The following NEGR1 variants were observed in gnomAD, a reference collection of about 807,000 sequenced individuals.
The protein encoded by NEGR1 is neuronal growth regulator 1, also known as IgLON family member 4.
A neutral mutation model predicts 40.9 loss-of-function variants in NEGR1; 10 were observed. The observed-to-expected ratio is 0.24, with a 90% CI of 0.15 to 0.42. NEGR1 has a LOEUF of 0.42. NEGR1 is among the 10% of genes least tolerant of loss of function. The pLI, the probability that NEGR1 is intolerant of heterozygous loss-of-function variation, is 1.00. For missense variants in NEGR1, 352 were observed against 438.9 expected, an observed-to-expected ratio of 0.80 and a Z score of 1.77; for synonymous variants, 185 against 166.8, an observed-to-expected ratio of 1.11 and a Z score of -0.84.
intron 4 of NEGR1, among the ~76,000 whole-genome samples, chr1:71,638,557 A>G (rs756483827): frequency 1.3e-5 from 2 of 152,090 alleles, no homozygotes; most frequent in Non-Finnish European, 2.9e-5. Flanking sequence ...TCAATTGAGC[A>G]TGTAGTCTAT....
At chr1:71,970,649 C>T (rs1345638158) in intron 1 of NEGR1, among the ~76,000 whole-genome samples, 1 of 152,004 alleles carries the variant, frequency 6.6e-6, no homozygotes, top group Non-Finnish European at 1.5e-5. Flanking sequence ...GATAGTGCCA[C>T]TGCAATCCAC....
intron 2 of NEGR1, among the ~76,000 whole-genome samples, chr1:71,867,177 C>A (rs1010720918): frequency 4.0e-4 from 61 of 152,144 alleles, no homozygotes; most frequent in Admixed American, 1.9e-3. Context: ...AGTTTGAAAC[C>A]AGCCTGGTCA....
At chr1:72,126,088 A>ACTGTGT (rs1460989217) in intron 1 of NEGR1, among the ~76,000 whole-genome samples, 108 of 129,414 alleles carry the variant, frequency 8.3e-4, no homozygotes, top group Non-Finnish European at 1.2e-3. Context: ...ATTAGAGAAA[A>ACTGTGT]GTATGTGTGT....
intron 2 of NEGR1, among the ~76,000 whole-genome samples, chr1:71,814,600 G>A (rs1399559383): frequency 1.3e-5 from 2 of 152,032 alleles, no homozygotes; most frequent in African/African-American, 2.4e-5. Flanking sequence ...CTTATTATTG[G>A]TCTATTCAGG....
chr1:72,027,538 A>G (rs367695580), intron 1 of NEGR1, among the ~76,000 whole-genome samples: 2 of 152,094 alleles, frequency 1.3e-5, no homozygotes, highest in East Asian at 1.9e-4. Context: ...AGAACCAGGT[A>G]TAAATAATAA....
At chr1:72,238,808 A>G (rs1654643004) in intron 1 of NEGR1, among the ~76,000 whole-genome samples, 1 of 151,942 alleles carries the variant, frequency 6.6e-6, no homozygotes, top group South Asian at 2.1e-4. Flanking sequence ...TCCCAAAACT[A>G]CAGAAAATGC....
intron 1 of NEGR1, among the ~76,000 whole-genome samples, chr1:72,143,846 G>T (rs895581847): frequency 2.1e-5 from 3 of 143,208 alleles, no homozygotes; most frequent in African/African-American, 5.2e-5. Context: ...TGATAACAAA[G>T]AAGATGGTTC....
At chr1:71,785,062 T>C (rs1656861832) in intron 2 of NEGR1, among the ~76,000 whole-genome samples, 1 of 152,216 alleles carries the variant, frequency 6.6e-6, no homozygotes, top group South Asian at 2.1e-4. Flanking sequence ...CACATGAGTG[T>C]TTATACACCA....
At position 71,675,126 on chromosome 1, in the gene NEGR1, T is replaced by TATATACAC. The variant is rs145354058; in HGVS notation, c.667+22881_667+22882insGTGTATAT. ...GCATGTTTATTCATATATATATATA[T>TATATACAC]ACACACACACATATGAATTCTTAGA... On this transcript the variant is annotated intron_variant, in intron 4 of 6. Coordinates refer to ENST00000357731, the MANE Select transcript of NEGR1 (RefSeq NM_173808.3). Among the ~76,000 whole-genome samples, 19 of 77,828 alleles carry TATATACAC rather than the reference T, an allele frequency of 2.4e-4. 1 individual carries two copies. Among genetic ancestry groups the TATATACAC allele is most frequent in the South Asian group, 1.2e-3 (2 of 1,662 alleles). 51.1% of individuals were successfully genotyped at this position (77,828 alleles called of 152,430 possible).
At chr1:72,084,739 TA>T (rs1648143505) in intron 1 of NEGR1, among the ~76,000 whole-genome samples, 1 of 152,206 alleles carries the variant, frequency 6.6e-6, no homozygotes, top group African/African-American at 2.4e-5. Context: ...GAAAATTTTC[TA>T]AATTAGTGAC....
intron 3 of NEGR1, among the ~76,000 whole-genome samples, chr1:71,741,376 C>A (rs1352008449): frequency 6.6e-6 from 1 of 152,180 alleles, no homozygotes. Flanking sequence ...CAATACTGAT[C>A]AGTCTTAATT....
chr1:71,709,508 G>C (rs946484602), intron 3 of NEGR1, among the ~76,000 whole-genome samples: 2 of 152,018 alleles, frequency 1.3e-5, no homozygotes, highest in African/African-American at 2.4e-5. Flanking sequence ...GATGGCACGA[G>C]TATGAAAACA....
At chr1:72,194,581 A>T (rs559004406) in intron 1 of NEGR1, among the ~76,000 whole-genome samples, 92 of 152,136 alleles carry the variant, frequency 6.0e-4, no homozygotes, top group Middle Eastern at 3.4e-3. Context: ...GAAAATAACC[A>T]GGAAGCTCCT....
intron 1 of NEGR1, among the ~76,000 whole-genome samples, chr1:72,214,706 TAA>T (rs1653733995): frequency 6.6e-6 from 1 of 151,912 alleles, no homozygotes. Flanking sequence ...CTGAAGGAAA[TAA>T]GAGAGGACAC....
At chr1:72,116,850 T>A (rs924488406) in intron 1 of NEGR1, among the ~76,000 whole-genome samples, 1 of 151,748 alleles carries the variant, frequency 6.6e-6, no homozygotes, top group African/African-American at 2.4e-5. Context: ...AATATTCACA[T>A]CTATATGAAT....
chr1:71,865,441 T>C (rs946843502), intron 2 of NEGR1, among the ~76,000 whole-genome samples: 3 of 152,144 alleles, frequency 2.0e-5, no homozygotes, highest in African/African-American at 7.2e-5. Context: ...TGCAGGGACA[T>C]GGATGAGGCT....
At chr1:71,641,028 C>T (rs1570140393) in intron 4 of NEGR1, among the ~76,000 whole-genome samples, 2 of 152,062 alleles carry the variant, frequency 1.3e-5, no homozygotes, top group South Asian at 2.1e-4. Flanking sequence ...AAATTCTGCT[C>T]ATGTTGATTT....
At chr1:71,924,426 C>A (rs1645751951) in intron 2 of NEGR1, among the ~76,000 whole-genome samples, 2 of 152,264 alleles carry the variant, frequency 1.3e-5, no homozygotes, top group South Asian at 4.1e-4. Context: ...ATGAACAACT[C>A]CTAAGCAGAG....
intron 3 of NEGR1, among the ~76,000 whole-genome samples, chr1:71,730,549 T>A (rs895450621): frequency 1.9e-4 from 27 of 139,190 alleles, no homozygotes; most frequent in Middle Eastern, 3.6e-3. Flanking sequence ...TCAAATTATA[T>A]GTGTATATAT....
Sources: allele counts gnomAD v4.1 joint callset (sites outside exome capture counted in the v4.1 genomes callset), GRCh38; gene constraint gnomAD v4.1.1; transcripts MANE v1.5; gene names NCBI Gene and HGNC (gene_info 2026-07-23, HGNC 2026-07-21).